SENP8: variants seen among roughly 807,000 people sequenced by gnomAD.
The protein encoded by SENP8 is sentrin-specific protease 8.
A neutral mutation model predicts 14.4 loss-of-function variants in SENP8; 10 were observed. The observed-to-expected ratio is 0.69, with a 90% confidence interval of 0.43 to 1.18. SENP8 has a LOEUF of 1.18. Ranked by LOEUF, SENP8 falls within the 50% of genes most tolerant of loss-of-function variation. The pLI is 0.00. For synonymous variants in SENP8, 94 were observed against 95.5 expected, an observed-to-expected ratio of 0.98 and a Z score of 0.09; for missense variants, 202 against 249.4, an observed-to-expected ratio of 0.81 and a Z score of 1.28.
rs182363577 is a variant in SENP8, at chr15:72,135,264, G to T, written c.-47-4313G>T. 9.5e-3 allele frequency: 1,652 copies of T among 173,538 alleles called. 26 individuals are homozygous for T. The highest frequency in any genetic ancestry group is 0.037 in the African/African-American group (1,559 of 41,650). 10.7% of individuals were successfully genotyped at this position (173,538 alleles called of 1,614,324 possible). ...TTTAGTAGAGACGAGGTTTCACCATGTTGGTCAGGCTGGTCTCGAACTCCT... is the reference window on the plus strand; with the variant it reads ...TTTAGTAGAGACGAGGTTTCACCATTTTGGTCAGGCTGGTCTCGAACTCCT... On this transcript the variant is annotated intron_variant, in intron 1 of 1. Coordinates refer to ENST00000340912, the MANE Select transcript of SENP8 (RefSeq NM_145204.4).
intron 1 of SENP8, among the ~76,000 whole-genome samples, chr15:72,137,530 C>T (rs1182400824): frequency 1.3e-5 from 2 of 152,140 alleles, no homozygotes; most frequent in Non-Finnish European, 2.9e-5. Flanking sequence ...CACTCATGCT[C>T]ATAGCAGGGC....
intron 1 of SENP8, among the ~76,000 whole-genome samples, chr15:72,133,287 G>C (rs956154525): frequency 1.3e-5 from 2 of 152,122 alleles, no homozygotes; most frequent in Non-Finnish European, 2.9e-5. Context: ...GCCATTAATG[G>C]CTCCCACTTC....
chr15:72,125,677 T>A (rs1307889794), intron 1 of SENP8, among the ~76,000 whole-genome samples: 1 of 152,064 alleles, frequency 6.6e-6, no homozygotes, highest in East Asian at 1.9e-4. Context: ...GTTAAATAAG[T>A]TTGGGAAAAG....
chr15:72,133,806 A>G (rs1596651812), intron 1 of SENP8, among the ~76,000 whole-genome samples: 1 of 152,246 alleles, frequency 6.6e-6, no homozygotes, highest in African/African-American at 2.4e-5. Context: ...CTCACTCTAT[A>G]TTGCCACCCC....
At chr15:72,115,872 GA>G (rs1287984191), upstream of SENP8, among the ~76,000 whole-genome samples, 1 of 151,934 alleles carries the variant, frequency 6.6e-6, no homozygotes, top group African/African-American at 2.4e-5. Flanking sequence ...ACATTTAAAA[GA>G]AAAGCATGTA....
chr15:72,116,421 A>G (rs2151248411), upstream of SENP8, among the ~76,000 whole-genome samples: 1 of 152,276 alleles, frequency 6.6e-6, no homozygotes, highest in East Asian at 1.9e-4. Flanking sequence ...ACTTCTACAA[A>G]CATTTTATTC....
chr15:72,133,538 A>G (rs750487681), intron 1 of SENP8, among the ~76,000 whole-genome samples: 5 of 152,198 alleles, frequency 3.3e-5, no homozygotes, highest in Non-Finnish European at 7.4e-5. Flanking sequence ...GCCATTTCTG[A>G]TCTGAGCACT....
At chr15:72,127,723 A>C (rs141040418) in intron 1 of SENP8, among the ~76,000 whole-genome samples, 271 of 152,284 alleles carry the variant, frequency 1.8e-3, no homozygotes, top group African/African-American at 6.2e-3. Flanking sequence ...TCAGTAGTGG[A>C]AATAGGAGAC....
Position 72,141,306 on chromosome 15 carries a change from T to C in SENP8, c.*1044T>C, listed in dbSNP as rs1310476280. On this transcript the variant is annotated 3_prime_UTR_variant, in exon 2 of 2. Coordinates refer to ENST00000340912, the MANE Select transcript of SENP8 (RefSeq NM_145204.4). ...GAAAAGTGACCTTTCTCAGCCCTTTTACTTAATTAAAAATGCAGGGAATGT... is the reference window on the plus strand; with the variant it reads ...GAAAAGTGACCTTTCTCAGCCCTTTCACTTAATTAAAAATGCAGGGAATGT... 2 of 152,224 alleles carry C rather than the reference T, an allele frequency of 1.3e-5. No individual in the cohort carries two copies. The highest frequency in any genetic ancestry group is 4.8e-5 in the African/African-American group (2 of 41,460). The allele number at this position is 152,224 out of a possible 1,614,324, so 9.4% of individuals were successfully genotyped here. A position where few individuals can be genotyped will look rare whatever the true frequency, so the allele number is the denominator to read the frequency against.
chr15:72,117,749 C>A, upstream of SENP8: 1 of 397,926 alleles, frequency 2.5e-6, no homozygotes, highest in South Asian at 1.3e-4. Context: ...ACCCTCCGCC[C>A]CAGGGTAGGA....
At chr15:72,133,669 G>C (rs766873051) in intron 1 of SENP8, among the ~76,000 whole-genome samples, 4 of 152,054 alleles carry the variant, frequency 2.6e-5, no homozygotes, top group Non-Finnish European at 5.9e-5. Context: ...ATACATCTTT[G>C]TATCTCCCAT....
intron 1 of SENP8, among the ~76,000 whole-genome samples, chr15:72,131,634 C>T (rs1289032969): frequency 3.3e-5 from 5 of 152,118 alleles, no homozygotes; most frequent in Non-Finnish European, 4.4e-5. Flanking sequence ...CTTATGAATT[C>T]AATATTAGCT....
At chr15:72,139,531 C>A in intron 1 of SENP8, 46 bp from the exon 2 acceptor site, 1 of 1,493,754 alleles carries the variant, frequency 6.7e-7, no homozygotes, top group Non-Finnish European at 9.0e-7. Flanking sequence ...ATTTTCCAGC[C>A]GCATTTTACA....
intron 1 of SENP8, among the ~76,000 whole-genome samples, chr15:72,130,879 G>A (rs757215779): frequency 3.9e-5 from 6 of 152,098 alleles, no homozygotes; most frequent in Non-Finnish European, 8.8e-5. Context: ...TTATAAACAG[G>A]ATGACAGAAT....
Position 72,140,857 on chromosome 15 carries a change from A to G in SENP8, c.*595A>G, listed in dbSNP as rs903099079. The G allele has an allele frequency of 4.8e-5, 8 of 167,154 alleles. No homozygotes were observed. The highest frequency in any genetic ancestry group is 8.8e-5 in the Non-Finnish European group (6 of 68,178). The allele number at this position is 167,154 out of a possible 1,614,324, so 10.4% of individuals were successfully genotyped here. ...TCCAGCTATCTATATAATGTTTGCA[A>G]ATATTTGATAAAGATGATGTTACCC... On this transcript the variant is annotated 3_prime_UTR_variant, in exon 2 of 2. Coordinates refer to ENST00000340912, the MANE Select transcript of SENP8 (RefSeq NM_145204.4).
rs1340468131 is a variant in SENP8 at position 72,141,967 on chromosome 15, T to G, written c.*1705T>G. On this transcript the variant is annotated 3_prime_UTR_variant, in exon 2 of 2. Transcript: ENST00000340912. ...AATCTAGACTATTAAAGTCAAATCCTCTCTGGGAAAAGTTATCTTTCTGAC... is the reference window on the plus strand; with the variant it reads ...AATCTAGACTATTAAAGTCAAATCCGCTCTGGGAAAAGTTATCTTTCTGAC... 1 of 152,200 alleles carries G rather than the reference T, an allele frequency of 6.6e-6. No individual in the cohort carries two copies. The highest frequency in any genetic ancestry group is 2.4e-5 in the African/African-American group (1 of 41,444). 9.4% of individuals were successfully genotyped at this position (152,200 alleles called of 1,614,324 possible).
At chr15:72,137,046 AT>A (rs2081334154) in intron 1 of SENP8, among the ~76,000 whole-genome samples, 1 of 152,086 alleles carries the variant, frequency 6.6e-6, no homozygotes, top group South Asian at 2.1e-4. Context: ...ATGTGAATGG[AT>A]ATTTGTTTTC....
chr15:72,122,382 G>A (rs1387392692), intron 1 of SENP8, among the ~76,000 whole-genome samples: 3 of 151,108 alleles, frequency 2.0e-5, no homozygotes, highest in Non-Finnish European at 4.4e-5. Flanking sequence ...AAACACATTA[G>A]CAAAAGAATG....
chr15:72,124,943 G>A (rs556413616), intron 1 of SENP8, among the ~76,000 whole-genome samples: 1 of 152,138 alleles, frequency 6.6e-6, no homozygotes, highest in Admixed American at 6.5e-5. Flanking sequence ...AGCATATTAT[G>A]AACATTTTTC....
Sources: allele counts gnomAD v4.1 joint callset (sites outside exome capture counted in the v4.1 genomes callset), GRCh38; gene constraint gnomAD v4.1.1; transcripts MANE v1.5; gene names NCBI Gene and HGNC (gene_info 2026-07-23, HGNC 2026-07-21).